TOX2: variants seen among roughly 807,000 people sequenced by gnomAD.
TOX2 encodes TOX high mobility group box family member 2, also known as granulosa cell HMG box 1.
In TOX2, 15 loss-of-function variants were observed where a neutral mutation model predicts 47.4. The ratio of observed to expected loss-of-function variants is 0.32; its 90% CI spans 0.21 to 0.49. The LOEUF is 0.49. TOX2 is among the 20% of genes least tolerant of loss of function. The pLI is 0.99. For missense variants in TOX2, 622 were observed against 673.1 expected (o/e 0.92, Z 0.84); for synonymous variants, 290 against 296.6 (o/e 0.98, Z 0.23).
chr20:44,025,174 A>G (rs2071040709), intron 3 of TOX2, among the ~76,000 whole-genome samples: 1 of 151,984 alleles, frequency 6.6e-6, no homozygotes, highest in Non-Finnish European at 1.5e-5. Flanking sequence ...TTATTATTAT[A>G]TTTTGAGGGT....
At chr20:44,052,044 G>T (rs958110342) in intron 4 of TOX2, among the ~76,000 whole-genome samples, 5 of 152,208 alleles carry the variant, frequency 3.3e-5, no homozygotes, top group African/African-American at 9.7e-5. Context: ...CAAGGCCATC[G>T]GGGTCACATT....
chr20:44,064,994 G>T (rs1386231466), intron 6 of TOX2, 137 bp downstream of exon 6: 2 of 724,806 alleles, frequency 2.8e-6, no homozygotes, highest in South Asian at 3.6e-5. Flanking sequence ...GGTCATGTCT[G>T]CAGGGCACCT....
chr20:43,966,041 T>C (rs1484738334), intron 1 of TOX2, among the ~76,000 whole-genome samples: 2 of 152,200 alleles, frequency 1.3e-5, no homozygotes, highest in Non-Finnish European at 1.5e-5. Context: ...ATTAAGCACC[T>C]GTCAAAAATA....
rs114493321 is a variant in TOX2, at chr20:44,000,292, A to T, written c.166-6255A>T. 9.7e-3 allele frequency among the ~76,000 whole-genome samples: 1,470 copies of T among 152,272 alleles called. 24 individuals are homozygous for T. Among genetic ancestry groups the T allele is most frequent in the African/African-American group, 0.035 (1,440 of 41,548 alleles). On this transcript the variant is annotated intron_variant, in intron 2 of 8. Coordinates refer to ENST00000341197, the MANE Select transcript of TOX2 (RefSeq NM_001098797.2). ...AGGCAGGGAGGCCAAGAGGCCAGGGAGGAGACTGCTGCAGTCATCCAGGGC... is the reference window on the plus strand; with the variant it reads ...AGGCAGGGAGGCCAAGAGGCCAGGGTGGAGACTGCTGCAGTCATCCAGGGC...
chr20:44,022,089 T>A lies in TOX2; in HGVS notation c.411+15297T>A, dbSNP rs73292459. 3.6e-3 allele frequency among the ~76,000 whole-genome samples: 553 copies of A among 152,276 alleles called. 2 individuals carry two copies. Among genetic ancestry groups the A allele is most frequent in the African/African-American group, 0.013 (523 of 41,558 alleles). ...ATGCGTCCACAGCACAAGTGAGCAATGGCCGGCCGATGACGCTGGAGACAA... is the reference window on the plus strand; with the variant it reads ...ATGCGTCCACAGCACAAGTGAGCAAAGGCCGGCCGATGACGCTGGAGACAA... On this transcript the variant is annotated intron_variant, in intron 3 of 8. Transcript: ENST00000341197.
chr20:44,026,228 G>GAGATATATATATATATAT lies in TOX2; in HGVS notation c.411+19437_411+19438insGATATATATATATATATA, dbSNP rs1555842268. Among the ~76,000 whole-genome samples, 248 of 60,220 alleles carry GAGATATATATATATATAT rather than the reference G, an allele frequency of 4.1e-3. 7 individuals carry two copies. The highest frequency in any genetic ancestry group is 6.8e-3 in the Non-Finnish European group (219 of 32,206). The allele number at this position is 60,220 out of a possible 152,430, so 39.5% of individuals were successfully genotyped here. A position where few individuals can be genotyped will look rare whatever the true frequency, so the allele number is the denominator to read the frequency against. ...TCGATCGAGTGGATAAAGAAACTGT[G>GAGATATATATATATATAT]ATATATATATATATATATATAGACA... On this transcript the variant is annotated intron_variant, in intron 3 of 8. Transcript: ENST00000341197.
intron 3 of TOX2, among the ~76,000 whole-genome samples, chr20:44,049,086 C>T (rs540777251): frequency 2.0e-5 from 3 of 152,170 alleles, no homozygotes; most frequent in Non-Finnish European, 4.4e-5. Context: ...CCAGCCTGCG[C>T]GATGCAGCAC....
chr20:44,001,981 A>G (rs989702892), intron 2 of TOX2, among the ~76,000 whole-genome samples: 1 of 152,156 alleles, frequency 6.6e-6, no homozygotes, highest in African/African-American at 2.4e-5. Flanking sequence ...CTCATTTATG[A>G]GTGTTCCTAA....
Position 43,928,981 on chromosome 20 carries a change from G to GAAA in TOX2, c.99+14007_99+14009dup, listed in dbSNP as rs575418660. Among the ~76,000 whole-genome samples, 262 of 86,108 alleles carry GAAA rather than the reference G, an allele frequency of 3.0e-3. 1 individual carries two copies. The highest frequency in any genetic ancestry group is 8.1e-3 in the East Asian group (23 of 2,842). The allele number at this position is 86,108 out of a possible 152,430, so 56.5% of individuals were successfully genotyped here. On this transcript the variant is annotated intron_variant, in intron 1 of 8. Transcript: ENST00000341197. ...GAAACCCTGTCTCTACTAAAAATAT[G>GAAA]AAAAAAAAAAAAAAAAAACAACAAC...
intron 1 of TOX2, among the ~76,000 whole-genome samples, chr20:43,932,777 C>CA (rs1569008758): frequency 7.6e-4 from 106 of 139,566 alleles, no homozygotes; most frequent in African/African-American, 2.9e-3. Context: ...GGTTGCTGCC[C>CA]CCCCCCGCCA....
chr20:43,928,801 T>C (rs1036555767), intron 1 of TOX2, among the ~76,000 whole-genome samples: 1 of 151,982 alleles, frequency 6.6e-6, no homozygotes, highest in African/African-American at 2.4e-5. Context: ...TCAATGTCTT[T>C]ATGATGCGTA....
intron 1 of TOX2, among the ~76,000 whole-genome samples, chr20:43,965,999 A>G (rs2069845705): frequency 6.6e-6 from 1 of 152,212 alleles, no homozygotes; most frequent in Non-Finnish European, 1.5e-5. Context: ...ATAGGAGTTG[A>G]TATATCATAA....
intron 3 of TOX2, among the ~76,000 whole-genome samples, chr20:44,043,923 C>A (rs1002228785): frequency 6.6e-6 from 1 of 152,212 alleles, no homozygotes; most frequent in African/African-American, 2.4e-5. Context: ...CATCCCATTA[C>A]TGGGTATATA....
At chr20:43,996,646 T>G (rs1445667508) in intron 2 of TOX2, among the ~76,000 whole-genome samples, 1 of 152,160 alleles carries the variant, frequency 6.6e-6, no homozygotes, top group Non-Finnish European at 1.5e-5. Flanking sequence ...GGCTTTTTTT[T>G]TCTTGCTTGG....
chr20:44,033,722 G>C (rs2071193635), intron 3 of TOX2, among the ~76,000 whole-genome samples: 3 of 152,010 alleles, frequency 2.0e-5, no homozygotes, highest in Admixed American at 1.3e-4. Context: ...CTCCCCTGGA[G>C]CCTCCAAAGA....
At chr20:44,039,211 T>TGGG (rs2071293172) in intron 3 of TOX2, 2 of 1,286,612 alleles carry the variant, frequency 1.6e-6, no homozygotes, top group Non-Finnish European at 2.0e-6. Flanking sequence ...AAGGCTTCTC[T>TGGG]GAGGAGGTGA....
In TOX2 at chr20:43,982,538, G is replaced by A. The variant is rs570920061; in HGVS notation, c.165+9106G>A. The stretch of plus-strand genomic sequence containing the variant: ...GGCAAGGACACCTTATTCAGAGTGG[G>A]ACGCTGGCTGGTGATTTTGGAAGTG... On this transcript the variant is annotated intron_variant, in intron 2 of 8. Coordinates refer to ENST00000341197, the MANE Select transcript of TOX2 (RefSeq NM_001098797.2). Among the ~76,000 whole-genome samples, 4 of 152,252 alleles carry A rather than the reference G, an allele frequency of 2.6e-5. No individual in the cohort carries two copies. In the South Asian group the frequency reaches 8.3e-4, roughly 32 times the overall value.
At chr20:43,973,987 G>A (rs1029505020) in intron 2 of TOX2, among the ~76,000 whole-genome samples, 2 of 152,180 alleles carry the variant, frequency 1.3e-5, no homozygotes, top group Non-Finnish European at 2.9e-5. Flanking sequence ...GCCCTCTGGG[G>A]GGTCATAGTT....
chr20:43,920,497 G>T (rs1035826889), intron 1 of TOX2, among the ~76,000 whole-genome samples: 1 of 152,150 alleles, frequency 6.6e-6, no homozygotes, highest in Admixed American at 6.5e-5. Flanking sequence ...TGAGATGGCT[G>T]GTCCCAGGGA....
Sources: allele counts gnomAD v4.1 joint callset (sites outside exome capture counted in the v4.1 genomes callset), GRCh38; gene constraint gnomAD v4.1.1; transcripts MANE v1.5; gene names NCBI Gene and HGNC (gene_info 2026-07-23, HGNC 2026-07-21).